Variants in CHCHD6 observed in about 807,000 individuals in gnomAD.
The protein encoded by CHCHD6 is coiled-coil-helix-coiled-coil-helix domain containing 6.
CHCHD6 carries 28 observed loss-of-function variants against 32.3 expected under a neutral mutation model. That is an observed-to-expected ratio of 0.87 (90% confidence interval 0.64 to 1.19). The LOEUF is 1.19. Among genes scored for constraint, CHCHD6 ranks in the 50% most tolerant of loss-of-function variants. CHCHD6 has a pLI of 0.00. For synonymous variants in CHCHD6, 122 were observed against 117.5 expected (o/e 1.04, Z -0.25); for missense variants, 333 against 307.0 (o/e 1.08, Z -0.63).
chr3:126,713,180 G>A lies in CHCHD6; in HGVS notation c.87+8781G>A, dbSNP rs566691339. On this transcript the variant is annotated intron_variant, in intron 1 of 7. Coordinates refer to ENST00000290913, the MANE Select transcript of CHCHD6 (RefSeq NM_032343.3). ...TACCAGGCTATTTTTTTTAAAAAAC[G>A]CAAATTTTACTTTTGAACAGGTTTC... Among the ~76,000 whole-genome samples the A allele has an allele frequency of 3.3e-5, 5 of 152,058 alleles. 1 individual carries two copies. In the South Asian group the frequency reaches 1.0e-3, roughly 32 times the overall value.
intron 4 of CHCHD6, among the ~76,000 whole-genome samples, chr3:126,793,607 AC>A (rs1576423580): frequency 1.3e-5 from 2 of 152,324 alleles, no homozygotes; most frequent in African/African-American, 4.8e-5. Context: ...CAAATGTCAA[AC>A]ATAATTTTTA....
chr3:126,834,628 C>T (rs1940780171), intron 4 of CHCHD6, among the ~76,000 whole-genome samples: 1 of 152,140 alleles, frequency 6.6e-6, no homozygotes, highest in Non-Finnish European at 1.5e-5. Context: ...TCCCTCCTTT[C>T]TGTGTCATTT....
At chr3:126,923,398 G>A (rs912764511) in intron 6 of CHCHD6, among the ~76,000 whole-genome samples, 2 of 151,982 alleles carry the variant, frequency 1.3e-5, no homozygotes, top group African/African-American at 2.4e-5. Flanking sequence ...ATATATCTCC[G>A]TATCCCCACC....
At chr3:126,943,202 C>T (rs538451962) in intron 6 of CHCHD6, among the ~76,000 whole-genome samples, 26 of 152,282 alleles carry the variant, frequency 1.7e-4, no homozygotes, top group East Asian at 5.8e-4. Context: ...CTCCTAATGA[C>T]GCCCCCCACT....
intron 2 of CHCHD6, among the ~76,000 whole-genome samples, chr3:126,729,404 C>T (rs1268723353): frequency 2.0e-5 from 3 of 152,164 alleles, no homozygotes; most frequent in Non-Finnish European, 4.4e-5. Flanking sequence ...CAGGGGCACA[C>T]AGAAAGGGCA....
At chr3:126,893,713 T>TA (rs1258492259) in intron 5 of CHCHD6, among the ~76,000 whole-genome samples, 6 of 152,304 alleles carry the variant, frequency 3.9e-5, no homozygotes, top group African/African-American at 1.2e-4. Context: ...GGGAGATAGT[T>TA]AAAACATGGC....
intron 5 of CHCHD6, among the ~76,000 whole-genome samples, chr3:126,894,539 C>T (rs1248501476): frequency 6.6e-6 from 1 of 152,176 alleles, no homozygotes; most frequent in Admixed American, 6.5e-5. Context: ...AGTTCTGTTC[C>T]AGACTAGTTG....
chr3:126,832,396 T>C (rs531695600), intron 4 of CHCHD6, among the ~76,000 whole-genome samples: 9 of 152,324 alleles, frequency 5.9e-5, no homozygotes, highest in Admixed American at 1.3e-4. Flanking sequence ...AGCACCTTCA[T>C]CTGCAGGCTT....
chr3:126,957,787 G>A (rs1037899235), intron 7 of CHCHD6: 33 of 604,124 alleles, frequency 5.5e-5, no homozygotes, highest in Middle Eastern at 3.4e-4. Context: ...TCCCTGTTGC[G>A]TTTGCCCTAT....
At chr3:126,945,665 G>A (rs936826880) in intron 6 of CHCHD6, among the ~76,000 whole-genome samples, 1 of 142,842 alleles carries the variant, frequency 7.0e-6, no homozygotes, top group Non-Finnish European at 1.5e-5. Flanking sequence ...GACTCAAGCG[G>A]GGAGACTTGG....
intron 1 of CHCHD6, among the ~76,000 whole-genome samples, chr3:126,706,305 A>T (rs1934485498): frequency 6.6e-6 from 1 of 152,206 alleles, no homozygotes; most frequent in Non-Finnish European, 1.5e-5. Flanking sequence ...AATTCTCTGT[A>T]TTTAAAGATG....
At chr3:126,877,876 T>G (rs2077560386) in intron 5 of CHCHD6, among the ~76,000 whole-genome samples, 1 of 152,236 alleles carries the variant, frequency 6.6e-6, no homozygotes, top group Admixed American at 6.5e-5. Context: ...AATCTACAAT[T>G]ATCTCAAAAT....
chr3:126,721,827 G>A (rs1012215481), intron 1 of CHCHD6, among the ~76,000 whole-genome samples: 1 of 150,996 alleles, frequency 6.6e-6, no homozygotes, highest in Non-Finnish European at 1.5e-5. Flanking sequence ...AGATTTGCCT[G>A]TTGTGGAATA....
At chr3:126,889,360 A>C (rs775594548) in intron 5 of CHCHD6, among the ~76,000 whole-genome samples, 1 of 152,172 alleles carries the variant, frequency 6.6e-6, no homozygotes, top group African/African-American at 2.4e-5. Context: ...CTGTGCTTCC[A>C]TACCTGCAGA....
intron 4 of CHCHD6, among the ~76,000 whole-genome samples, chr3:126,831,663 G>A (rs1376097433): frequency 6.6e-6 from 1 of 152,214 alleles, no homozygotes; most frequent in African/African-American, 2.4e-5. Context: ...GATGGGCCCT[G>A]TGTCCCCCAG....
chr3:126,899,599 G>A (rs1304314085), intron 5 of CHCHD6, among the ~76,000 whole-genome samples: 2 of 152,164 alleles, frequency 1.3e-5, no homozygotes, highest in Admixed American at 6.6e-5. Context: ...TGCTTTAGAT[G>A]ACACAGCCCA....
intron 5 of CHCHD6, among the ~76,000 whole-genome samples, chr3:126,893,099 G>A (rs886958242): frequency 6.6e-6 from 1 of 151,890 alleles, no homozygotes; most frequent in South Asian, 2.1e-4. Flanking sequence ...CTCCCAAGTA[G>A]CTGGGATTAC....
Position 126,797,898 on chromosome 3 carries a change from G to A in CHCHD6, c.412-54749G>A, listed in dbSNP as rs528213438. ...AAAGGAAGAAGAAGAGTAACAGGGC[G>A]CCTCCGTGCCAGTGTCTGGCTCCAG... On this transcript the variant is annotated intron_variant, in intron 4 of 7. Coordinates refer to ENST00000290913, the MANE Select transcript of CHCHD6 (RefSeq NM_032343.3). 5.3e-5 allele frequency among the ~76,000 whole-genome samples: 8 copies of A among 152,286 alleles called. No homozygotes were observed. The East Asian group carries it at 1.2e-3, about 22-fold the overall frequency.
intron 4 of CHCHD6, among the ~76,000 whole-genome samples, chr3:126,781,851 T>A (rs1280630152): frequency 6.6e-6 from 1 of 152,188 alleles, no homozygotes; most frequent in Non-Finnish European, 1.5e-5. Context: ...AGGCCCAAAG[T>A]CTTTTTCTTT....
Sources: gnomAD v4.1 joint callset for allele counts (sites outside exome capture counted in the v4.1 genomes callset) on GRCh38, gnomAD v4.1.1 for gene constraint, MANE v1.5 for transcripts, NCBI Gene and HGNC (gene_info 2026-07-23, HGNC 2026-07-21) for gene names.